FHIT: variants seen among roughly 807,000 people sequenced by gnomAD.
The protein encoded by FHIT is fragile histidine triad diadenosine triphosphatase, also known as bis(5'-adenosyl)-triphosphatase.
In FHIT, 19 loss-of-function variants were observed where a neutral mutation model predicts 17.9. The ratio of observed to expected loss-of-function variants is 1.06; its 90% CI spans 0.74 to 1.56. FHIT has a LOEUF of 1.56. Among genes scored for constraint, FHIT ranks in the 40% most tolerant of loss-of-function variants. The pLI is 0.00. For synonymous variants in FHIT, 81 were observed against 69.7 expected (o/e 1.16, Z -0.81); for missense variants, 248 against 189.2 (o/e 1.31, Z -1.82).
At chr3:60,626,445 C>T (rs72872703) in intron 4 of FHIT, among the ~76,000 whole-genome samples, 5 of 151,988 alleles carry the variant, frequency 3.3e-5, no homozygotes, top group African/African-American at 7.2e-5. Flanking sequence ...TTAATTTATT[C>T]CCAAGTATTT....
chr3:60,571,202 G>T (rs1041044740), intron 4 of FHIT, among the ~76,000 whole-genome samples: 14 of 151,680 alleles, frequency 9.2e-5, no homozygotes, highest in East Asian at 7.8e-4. Flanking sequence ...CAGGCTTGGT[G>T]ATGTGCGCCT....
intron 1 of FHIT, among the ~76,000 whole-genome samples, chr3:61,222,095 C>T (rs958318751): frequency 6.6e-6 from 1 of 152,200 alleles, no homozygotes; most frequent in African/African-American, 2.4e-5. Flanking sequence ...CTCCTCTGAA[C>T]TCTCCATCTG....
chr3:59,990,450 T>C (rs3772498), intron 7 of FHIT, among the ~76,000 whole-genome samples: 8 of 152,112 alleles, frequency 5.3e-5, no homozygotes, highest in Middle Eastern at 3.4e-3. Flanking sequence ...TATATTGTTC[T>C]AAATTAAGCA....
intron 4 of FHIT, among the ~76,000 whole-genome samples, chr3:60,699,490 T>A (rs1293730945): frequency 6.6e-6 from 1 of 152,166 alleles, no homozygotes; most frequent in Non-Finnish European, 1.5e-5. Flanking sequence ...GTTTTACTGG[T>A]GTTTTATAAC....
chr3:60,410,534 A>C (rs1465346597), intron 5 of FHIT, among the ~76,000 whole-genome samples: 1 of 152,202 alleles, frequency 6.6e-6, no homozygotes, highest in Non-Finnish European at 1.5e-5. Flanking sequence ...CAAAGTATTC[A>C]CAGCATTTTT....
intron 1 of FHIT, among the ~76,000 whole-genome samples, chr3:61,218,767 A>G (rs2039755428): frequency 6.6e-6 from 1 of 152,152 alleles, no homozygotes; most frequent in African/African-American, 2.4e-5. Flanking sequence ...TTAATGCACT[A>G]CTTTATCGTG....
intron 5 of FHIT, among the ~76,000 whole-genome samples, chr3:60,480,295 T>G (rs999681925): frequency 6.6e-6 from 1 of 152,158 alleles, no homozygotes; most frequent in African/African-American, 2.4e-5. Context: ...CCTCAACATC[T>G]GGGGATTACA....
At chr3:60,861,237 A>ATATC (rs1419705987) in intron 3 of FHIT, among the ~76,000 whole-genome samples, 1 of 20,154 alleles carries the variant, frequency 5.0e-5, no homozygotes, top group Admixed American at 5.7e-4. Flanking sequence ...ATGATATATC[A>ATATC]TATCATATAT....
chr3:60,615,819 T>C (rs2038934205), intron 4 of FHIT, among the ~76,000 whole-genome samples: 1 of 152,236 alleles, frequency 6.6e-6, no homozygotes, highest in African/African-American at 2.4e-5. Flanking sequence ...CTCTCTGCAT[T>C]GCAAAGCTGA....
chr3:60,079,235 G>C (rs1703168286), intron 5 of FHIT, among the ~76,000 whole-genome samples: 1 of 152,136 alleles, frequency 6.6e-6, no homozygotes, highest in African/African-American at 2.4e-5. Context: ...CCGAGGTGAT[G>C]TGCAGGCCGC....
At chr3:60,225,262 A>T (rs1390915783) in intron 5 of FHIT, among the ~76,000 whole-genome samples, 1 of 152,156 alleles carries the variant, frequency 6.6e-6, no homozygotes, top group Non-Finnish European at 1.5e-5. Flanking sequence ...TTATCCAGTG[A>T]CGTGGTTAAC....
At chr3:59,988,572 T>A (rs889577745) in intron 7 of FHIT, among the ~76,000 whole-genome samples, 1 of 152,106 alleles carries the variant, frequency 6.6e-6, no homozygotes, top group Admixed American at 6.6e-5. Context: ...TTTCTGTGTA[T>A]CTGGCGCTCC....
chr3:61,249,592 T>C (rs184267198), intron 1 of FHIT, among the ~76,000 whole-genome samples: 209 of 152,334 alleles, frequency 1.4e-3, no homozygotes, highest in African/African-American at 4.7e-3. Context: ...TTCACCAGTG[T>C]TTTAACTTGA....
At chr3:60,180,936 T>A (rs905603755) in intron 5 of FHIT, among the ~76,000 whole-genome samples, 8 of 152,214 alleles carry the variant, frequency 5.3e-5, no homozygotes, top group African/African-American at 1.9e-4. Context: ...AAGCATTTAC[T>A]TATATTTGAT....
chr3:60,016,020 T>C (rs554620207), intron 5 of FHIT, among the ~76,000 whole-genome samples: 1 of 152,216 alleles, frequency 6.6e-6, no homozygotes, highest in African/African-American at 2.4e-5. Context: ...ATATCACAGA[T>C]GCAATATAAT....
At chr3:60,294,313 C>G (rs1428868975) in intron 5 of FHIT, among the ~76,000 whole-genome samples, 1 of 152,078 alleles carries the variant, frequency 6.6e-6, no homozygotes, top group Non-Finnish European at 1.5e-5. Context: ...ATTTGATGCA[C>G]TGAAACATGA....
chr3:61,005,927 T>G (rs2031416613), intron 3 of FHIT, among the ~76,000 whole-genome samples: 6 of 148,896 alleles, frequency 4.0e-5, no homozygotes, highest in Admixed American at 4.0e-4. Context: ...TTACTAGCTG[T>G]GTCCTCACCC....
At chr3:60,875,157 T>C (rs1379847959) in intron 3 of FHIT, among the ~76,000 whole-genome samples, 1 of 152,134 alleles carries the variant, frequency 6.6e-6, no homozygotes. Flanking sequence ...GCTTCTTTAT[T>C]CTTCCTCCCA....
intron 5 of FHIT, among the ~76,000 whole-genome samples, chr3:60,417,521 CA>C (rs530067677): frequency 0.012 from 1,894 of 152,116 alleles, 22 homozygotes; most frequent in Middle Eastern, 0.02. Flanking sequence ...AGAAAAGAGG[CA>C]AAGAAAATAT....
Sources: allele counts gnomAD v4.1 joint callset (sites outside exome capture counted in the v4.1 genomes callset), GRCh38; gene constraint gnomAD v4.1.1; transcripts MANE v1.5; gene names NCBI Gene and HGNC (gene_info 2026-07-23, HGNC 2026-07-21).